PIK3R3: variants seen among roughly 807,000 people sequenced by gnomAD.
PIK3R3 encodes the protein phosphatidylinositol 3-kinase regulatory subunit gamma.
Under a neutral mutation model 62.9 loss-of-function variants are expected in PIK3R3, and 64 were observed. That is an observed-to-expected ratio of 1.02 (90% CI 0.83 to 1.25). The LOEUF (loss-of-function observed/expected upper bound fraction) is 1.25, where lower values mean the gene tolerates loss of function less well. Ranked by LOEUF, PIK3R3 falls within the 50% of genes most tolerant of loss-of-function variation. The pLI is 0.00. For synonymous variants in PIK3R3, 165 were observed against 189.0 expected, an observed-to-expected ratio of 0.87 and a Z score of 1.04; for missense variants, 614 against 561.6, an observed-to-expected ratio of 1.09 and a Z score of -0.94.
intron 2 of PIK3R3, 123 bp downstream of exon 2, chr1:46,080,519 C>T: frequency 1.4e-6 from 1 of 697,462 alleles, no homozygotes; most frequent in Non-Finnish European, 2.5e-6. Context: ...CCTCAGCCTC[C>T]TGAGTTGCTG....
At chr1:46,155,906 G>A in the PIK3R3 span, among the ~76,000 whole-genome samples, 14 of 152,174 alleles carry the variant, frequency 9.2e-5, no homozygotes, top group East Asian at 3.9e-4. Context: ...ATTCATTTAC[G>A]TATTGTCTGT....
chr1:46,145,958 C>G, the PIK3R3 span, among the ~76,000 whole-genome samples: 1 of 152,162 alleles, frequency 6.6e-6, no homozygotes, highest in Admixed American at 6.5e-5. Context: ...GAATACTTAT[C>G]TGGGTGGAGA....
chr1:46,173,163 A>T, the PIK3R3 span, among the ~76,000 whole-genome samples: 1 of 152,158 alleles, frequency 6.6e-6, no homozygotes, highest in Non-Finnish European at 1.5e-5. Context: ...TGTTAGGATG[A>T]AGGGTGCAAG....
chr1:46,086,967 T>C (rs1651112946), intron 1 of PIK3R3, among the ~76,000 whole-genome samples: 1 of 151,964 alleles, frequency 6.6e-6, no homozygotes, highest in Non-Finnish European at 1.5e-5. Context: ...TCTTCATCCA[T>C]GTCCCTACAA....
intron 9 of PIK3R3, 35 bp downstream of exon 9, chr1:46,045,883 G>A (rs58077792): frequency 6.4e-7 from 1 of 1,565,638 alleles, no homozygotes; most frequent in Non-Finnish European, 8.8e-7. Flanking sequence ...TGATGCAAAA[G>A]ATTTCAAAAG....
chr1:46,133,123 G>A (rs1655773019), upstream of PIK3R3: 1 of 766,036 alleles, frequency 1.3e-6, no homozygotes, highest in African/African-American at 1.9e-5. Context: ...GGCCAATCAG[G>A]AGACAGCCGG....
intron 1 of PIK3R3, among the ~76,000 whole-genome samples, chr1:46,090,659 A>T (rs1327767170): frequency 6.6e-6 from 1 of 152,166 alleles, no homozygotes; most frequent in Non-Finnish European, 1.5e-5. Flanking sequence ...TAAATATTAA[A>T]CCATGTAAGT....
chr1:46,061,829 T>G (rs1466147257), intron 6 of PIK3R3, 100 bp downstream of exon 6: 1 of 1,051,556 alleles, frequency 9.5e-7, no homozygotes, highest in East Asian at 2.4e-5. Context: ...ATAGTAGGGC[T>G]GTGCAGTTTG....
the PIK3R3 span, among the ~76,000 whole-genome samples, chr1:46,169,013 C>G: frequency 1.3e-5 from 2 of 152,198 alleles, no homozygotes; most frequent in African/African-American, 4.8e-5. Flanking sequence ...ATAGAAGGAA[C>G]CTTGGTTCAG....
At chr1:46,101,364 C>T (rs905503531) in intron 1 of PIK3R3, among the ~76,000 whole-genome samples, 2 of 151,744 alleles carry the variant, frequency 1.3e-5, no homozygotes, top group Non-Finnish European at 2.9e-5. Context: ...GGTGTGGTGG[C>T]ATGCGCCTGT....
chr1:46,162,087 G>A, the PIK3R3 span, among the ~76,000 whole-genome samples: 9,955 of 131,840 alleles, frequency 0.076, 514 homozygotes, highest in South Asian at 0.28. Context: ...GTGAGACTCC[G>A]TCTCAAAAAA....
intron 6 of PIK3R3, among the ~76,000 whole-genome samples, chr1:46,059,562 C>G (rs1648270344): frequency 6.6e-6 from 1 of 152,182 alleles, no homozygotes; most frequent in Admixed American, 6.5e-5. Flanking sequence ...CACCTGTAAT[C>G]CCAGCACTTT....
the PIK3R3 span, among the ~76,000 whole-genome samples, chr1:46,146,613 T>C: frequency 6.6e-6 from 1 of 151,792 alleles, no homozygotes; most frequent in African/African-American, 2.4e-5. Context: ...GCTATCTCCC[T>C]TGGAGGAGGC....
chr1:46,069,833 AGAG>A (rs1366595454), intron 3 of PIK3R3, among the ~76,000 whole-genome samples: 2 of 152,214 alleles, frequency 1.3e-5, no homozygotes, highest in African/African-American at 2.4e-5. Flanking sequence ...TAATGAAGTG[AGAG>A]GAGAACTAAG....
chr1:46,092,868 C>T (rs1651772528), intron 1 of PIK3R3, among the ~76,000 whole-genome samples: 4 of 152,132 alleles, frequency 2.6e-5, no homozygotes, highest in African/African-American at 7.2e-5. Flanking sequence ...CTCTTATCCT[C>T]CCACTGTACC....
At chr1:46,131,703 A>C (rs1655610256) in intron 1 of PIK3R3, 144 bp downstream of exon 1, 2 of 709,236 alleles carry the variant, frequency 2.8e-6, no homozygotes, top group Non-Finnish European at 5.0e-6. Flanking sequence ...AACCAGAAGC[A>C]GTTTTACCGC....
At chr1:46,072,744 G>C (rs1202744720) in intron 3 of PIK3R3, among the ~76,000 whole-genome samples, 3 of 152,008 alleles carry the variant, frequency 2.0e-5, no homozygotes, top group African/African-American at 7.2e-5. Context: ...GAGACCCTTA[G>C]CGTGAGACCA....
chr1:46,102,228 G>A (rs1456314805), intron 1 of PIK3R3, among the ~76,000 whole-genome samples: 5 of 151,834 alleles, frequency 3.3e-5, no homozygotes, highest in East Asian at 1.9e-4. Flanking sequence ...CTCGTGATCC[G>A]CCCGCCTCGG....
the PIK3R3 span, among the ~76,000 whole-genome samples, chr1:46,149,532 T>C: frequency 6.6e-6 from 1 of 151,894 alleles, no homozygotes; most frequent in Admixed American, 6.5e-5. Flanking sequence ...GTGTGGTTTT[T>C]GTTTTTGTTT....
Sources: gnomAD v4.1 joint callset for allele counts (sites outside exome capture counted in the v4.1 genomes callset) on GRCh38, gnomAD v4.1.1 for gene constraint, MANE v1.5 for transcripts, NCBI Gene and HGNC (gene_info 2026-07-23, HGNC 2026-07-21) for gene names.